Variants in NECTIN3 observed in about 807,000 individuals in gnomAD.
NECTIN3 encodes the protein nectin cell adhesion molecule 3, also known as nectin-3.
NECTIN3 carries 8 observed loss-of-function variants against 49.4 expected under a neutral mutation model. That is an observed-to-expected ratio of 0.16 (90% confidence interval 0.10 to 0.29). NECTIN3 has a LOEUF of 0.29. NECTIN3 is among the 10% of genes least tolerant of loss of function. NECTIN3 has a pLI of 1.00. For synonymous variants in NECTIN3, 277 were observed against 241.1 expected, an observed-to-expected ratio of 1.15 and a Z score of -1.38; for missense variants, 581 against 654.6, an observed-to-expected ratio of 0.89 and a Z score of 1.23.
rs2034389865 is a variant in NECTIN3 at position 111,131,517 on chromosome 3, GATATT to G, written c.1070-2116_1070-2112del. Among the ~76,000 whole-genome samples the G allele has an allele frequency of 2.0e-5, 3 of 151,950 alleles. No homozygotes were observed. In the South Asian group the frequency reaches 6.2e-4, roughly 31 times the overall value. On this transcript the variant is annotated intron_variant, in intron 5 of 5. Coordinates refer to ENST00000485303, the MANE Select transcript of NECTIN3 (RefSeq NM_015480.3). ...TTAAATGGCCTCTCTTTCATGGAAT[GATATT>G]ACTAGTGAGGCTCAGTTATTTTTAA...
chr3:111,081,959 C>T (rs1225448173), intron 1 of NECTIN3, among the ~76,000 whole-genome samples: 2 of 152,074 alleles, frequency 1.3e-5, no homozygotes, highest in Non-Finnish European at 2.9e-5. Context: ...ATAGCTCTGG[C>T]AGAAATGTAA....
At chr3:111,164,320 T>C (rs929437684) in intron 7 of NECTIN3, among the ~76,000 whole-genome samples, 7 of 152,204 alleles carry the variant, frequency 4.6e-5, no homozygotes, top group South Asian at 2.1e-4. Flanking sequence ...ACGTTGAAGC[T>C]GTCTCCCATG....
chr3:111,118,611 A>G (rs764908891), intron 2 of NECTIN3, 45 bp from the exon 3 acceptor site: 4 of 1,439,370 alleles, frequency 2.8e-6, no homozygotes, highest in Non-Finnish European at 3.7e-6. Flanking sequence ...ATATAAACAT[A>G]TTCTTGTTTG....
chr3:111,193,432 G>A (rs781461980), intron 1 of NECTIN3: 49 of 1,487,304 alleles, frequency 3.3e-5, no homozygotes, highest in Non-Finnish European at 4.0e-5. Context: ...TTAGATTGGG[G>A]AGAGAAGCTA....
At chr3:111,083,355 G>A (rs2031742514) in intron 1 of NECTIN3, among the ~76,000 whole-genome samples, 1 of 152,178 alleles carries the variant, frequency 6.6e-6, no homozygotes, top group South Asian at 2.1e-4. Flanking sequence ...TCAATGTGAT[G>A]GTGTTAGGGG....
chr3:111,091,469 G>A (rs950242134), intron 1 of NECTIN3, among the ~76,000 whole-genome samples: 2 of 152,024 alleles, frequency 1.3e-5, no homozygotes, highest in Admixed American at 6.6e-5. Flanking sequence ...AGCCTGGATG[G>A]TCTCAATCTC....
chr3:111,160,016 G>T (rs984108247), intron 7 of NECTIN3, among the ~76,000 whole-genome samples: 1 of 152,076 alleles, frequency 6.6e-6, no homozygotes, highest in African/African-American at 2.4e-5. Context: ...TACTCCCATT[G>T]TTTTTAACCA....
At chr3:111,193,374 G>T in intron 1 of NECTIN3, 1 of 1,531,664 alleles carries the variant, frequency 6.5e-7, no homozygotes, top group Non-Finnish European at 8.7e-7. Context: ...AGAACATTAT[G>T]TGTGATTTTT....
In NECTIN3 at chr3:111,154,546, G is replaced by T. The variant is rs187665239; in HGVS notation, c.1221+7062G>T. On this transcript the variant is annotated intron_variant, in intron 7 of 8. Transcript: ENST00000493615. ...GTAGAATGAATGGATCATATGGTAA[G>T]TATGTGTTTAACTTTCTAAGAAAAT... Among the ~76,000 whole-genome samples, 47 of 152,234 alleles carry T rather than the reference G, an allele frequency of 3.1e-4. No individual in the cohort carries two copies. In the East Asian group the frequency reaches 8.3e-3, roughly 27 times the overall value.
At chr3:111,125,084 A>G (rs2034110816) in intron 4 of NECTIN3, among the ~76,000 whole-genome samples, 1 of 130,188 alleles carries the variant, frequency 7.7e-6, no homozygotes, top group Non-Finnish European at 1.5e-5. Context: ...GCTAGAGTGC[A>G]GTAGTGCCAT....
chr3:111,176,503 A>G (rs527818054), intron 7 of NECTIN3, among the ~76,000 whole-genome samples: 69 of 152,272 alleles, frequency 4.5e-4, no homozygotes, highest in Non-Finnish European at 9.6e-4. Context: ...TTACTTCTCA[A>G]TTCAAATAAA....
rs574568352 is a variant in NECTIN3 at position 111,093,035 on chromosome 3, T to C, written c.161-18995T>C. On this transcript the variant is annotated intron_variant, in intron 1 of 5. Coordinates refer to ENST00000485303, the MANE Select transcript of NECTIN3 (RefSeq NM_015480.3). Reference sequence around the variant, plus strand: ...CTTTACACTTCATTGTTAAATTTTTTCATATTTTGTTGGTATTGTCAGTGG... The same window carrying C: ...CTTTACACTTCATTGTTAAATTTTTCCATATTTTGTTGGTATTGTCAGTGG... Among the ~76,000 whole-genome samples the C allele has an allele frequency of 1.3e-4, 20 of 152,362 alleles. No individual in the cohort carries two copies. In the South Asian group the frequency reaches 3.5e-3, roughly 27 times the overall value.
chr3:111,139,746 ACTC>A (rs948208772), downstream of NECTIN3, among the ~76,000 whole-genome samples: 7 of 150,644 alleles, frequency 4.6e-5, no homozygotes, highest in African/African-American at 1.7e-4. Flanking sequence ...ATCAGTAAAA[ACTC>A]CTTTAAGTGT....
intron 1 of NECTIN3, among the ~76,000 whole-genome samples, chr3:111,084,223 A>C (rs1415125737): frequency 6.6e-6 from 1 of 152,232 alleles, no homozygotes; most frequent in African/African-American, 2.4e-5. Context: ...TTCTTTAGCG[A>C]TATAAGTGAT....
downstream of NECTIN3, among the ~76,000 whole-genome samples, chr3:111,138,105 G>A (rs2034644880): frequency 6.6e-6 from 1 of 151,432 alleles, no homozygotes; most frequent in Admixed American, 6.6e-5. Context: ...ATTTCATAAG[G>A]TATTTCTTAA....
rs559526681 is a variant in NECTIN3 at position 111,151,845 on chromosome 3, G to GT, written c.1221+4365dup. ...TACATACAAAACAATATAAAGAGGT[G>GT]TTTTCTAAGGTCTCATTCCTATACC... On this transcript the variant is annotated intron_variant, in intron 7 of 8. Transcript: ENST00000493615. Among the ~76,000 whole-genome samples the GT allele has an allele frequency of 2.9e-3, 438 of 151,802 alleles. 3 individuals carry two copies. Among genetic ancestry groups the GT allele is most frequent in the Middle Eastern group, 0.014 (4 of 294 alleles).
At chr3:111,113,605 A>C (rs1189593012) in intron 2 of NECTIN3, among the ~76,000 whole-genome samples, 2 of 152,202 alleles carry the variant, frequency 1.3e-5, no homozygotes, top group African/African-American at 4.8e-5. Context: ...TATAACTTAC[A>C]TTTAAGAGAT....
chr3:111,118,219 C>CTTTAAAA lies in NECTIN3; in HGVS notation c.503-433_503-427dup, dbSNP rs567865734. Among the ~76,000 whole-genome samples the CTTTAAAA allele has an allele frequency of 5.4e-4, 62 of 113,968 alleles. 3 individuals carry two copies. In the South Asian group the frequency reaches 0.015, roughly 27 times the overall value. 74.8% of individuals were successfully genotyped at this position (113,968 alleles called of 152,430 possible). ...CATAACTTATTTTTAAAAGTATTTG[C>CTTTAAAA]TTTAAAATTTTTTTACTGTAAAATG... On this transcript the variant is annotated intron_variant, in intron 2 of 5. Coordinates refer to ENST00000485303, the MANE Select transcript of NECTIN3 (RefSeq NM_015480.3).
chr3:111,157,668 A>G (rs2107517258), intron 7 of NECTIN3, among the ~76,000 whole-genome samples: 1 of 152,238 alleles, frequency 6.6e-6, no homozygotes, highest in Admixed American at 6.5e-5. Context: ...TTGCAAAGTA[A>G]TACTGACATT....
Sources: allele counts gnomAD v4.1 joint callset (sites outside exome capture counted in the v4.1 genomes callset), GRCh38; gene constraint gnomAD v4.1.1; transcripts MANE v1.5; gene names NCBI Gene and HGNC (gene_info 2026-07-23, HGNC 2026-07-21).